Variants in GRM7 observed in about 807,000 individuals in gnomAD.
The protein encoded by GRM7 is metabotropic glutamate receptor 7.
In GRM7, 35 loss-of-function variants were observed where a neutral mutation model predicts 84.5. The observed-to-expected ratio is 0.41, with a 90% CI of 0.32 to 0.55. The LOEUF (loss-of-function observed/expected upper bound fraction) is 0.55. Among genes scored for constraint, GRM7 ranks in the 20% least tolerant of loss-of-function variants. The probability of loss-of-function intolerance (pLI) is 0.19; values close to 1 mark genes in which losing one functional copy is unlikely to be tolerated. For synonymous variants in GRM7, 487 were observed against 455.1 expected, an observed-to-expected ratio of 1.07 and a Z score of -0.89; for missense variants, 1,003 against 1,194.6, an observed-to-expected ratio of 0.84 and a Z score of 2.36.
intron 1 of GRM7, among the ~76,000 whole-genome samples, chr3:7,100,823 C>A (rs1162990565): frequency 6.6e-6 from 1 of 151,834 alleles, no homozygotes; most frequent in Non-Finnish European, 1.5e-5. Context: ...AAATCGTGTT[C>A]TGACACTGTG....
intron 1 of GRM7, among the ~76,000 whole-genome samples, chr3:6,989,413 A>T (rs371395257): frequency 6.6e-6 from 1 of 152,194 alleles, no homozygotes; most frequent in South Asian, 2.1e-4. Flanking sequence ...TTAAGATGAC[A>T]TAGTTAGGGG....
At chr3:6,970,973 C>A (rs370755342) in intron 1 of GRM7, among the ~76,000 whole-genome samples, 1 of 141,110 alleles carries the variant, frequency 7.1e-6, no homozygotes, top group Non-Finnish European at 1.5e-5. Flanking sequence ...CAGAGCGAGA[C>A]TCTGTCTCAA....
chr3:7,232,635 C>T (rs1268596148), intron 2 of GRM7, among the ~76,000 whole-genome samples: 1 of 152,176 alleles, frequency 6.6e-6, no homozygotes, highest in African/African-American at 2.4e-5. Flanking sequence ...TAATGAGAGG[C>T]TTTTTCACAT....
intron 4 of GRM7, among the ~76,000 whole-genome samples, chr3:7,351,896 A>G (rs1346507447): frequency 6.6e-6 from 1 of 151,850 alleles, no homozygotes; most frequent in South Asian, 2.1e-4. Flanking sequence ...AGCTATATTA[A>G]CAGCTTCTCT....
intron 1 of GRM7, among the ~76,000 whole-genome samples, chr3:6,964,275 A>G (rs1207097478): frequency 2.6e-5 from 4 of 152,076 alleles, no homozygotes; most frequent in Non-Finnish European, 4.4e-5. Flanking sequence ...TAGACTGCCA[A>G]TCTGGTTGGG....
chr3:7,738,061 C>T (rs1219058941), intron 9 of GRM7, among the ~76,000 whole-genome samples: 1 of 152,004 alleles, frequency 6.6e-6, no homozygotes, highest in African/African-American at 2.4e-5. Context: ...GTTGACCAGG[C>T]TGGTCTTAAA....
At chr3:7,114,330 T>C (rs1464711341) in intron 1 of GRM7, among the ~76,000 whole-genome samples, 1 of 152,168 alleles carries the variant, frequency 6.6e-6, no homozygotes, top group Non-Finnish European at 1.5e-5. Context: ...CATACCTTAC[T>C]TCAAAACCTA....
intron 1 of GRM7, among the ~76,000 whole-genome samples, chr3:6,880,188 C>A (rs1243365245): frequency 1.3e-5 from 2 of 152,168 alleles, no homozygotes; most frequent in Non-Finnish European, 2.9e-5. Flanking sequence ...ACAGAGTCTG[C>A]ACAGACTTCA....
At chr3:7,012,614 AC>A (rs1370683118) in intron 1 of GRM7, among the ~76,000 whole-genome samples, 9 of 152,096 alleles carry the variant, frequency 5.9e-5, no homozygotes, top group African/African-American at 2.2e-4. Context: ...TCCCTGGAGG[AC>A]CATAAGACTC....
At chr3:7,113,433 A>C (rs1397816995) in intron 1 of GRM7, among the ~76,000 whole-genome samples, 2 of 152,100 alleles carry the variant, frequency 1.3e-5, no homozygotes, top group African/African-American at 4.8e-5. Flanking sequence ...TATTTTATCT[A>C]GAAATAATAT....
chr3:6,945,383 G>C (rs1559343644), intron 1 of GRM7, among the ~76,000 whole-genome samples: 1 of 152,014 alleles, frequency 6.6e-6, no homozygotes, highest in Non-Finnish European at 1.5e-5. Flanking sequence ...CCCTACAAAG[G>C]ACACGAACTC....
chr3:7,723,371 C>A (rs1702019206), intron 9 of GRM7, among the ~76,000 whole-genome samples: 1 of 152,172 alleles, frequency 6.6e-6, no homozygotes. Context: ...CTCTGTAAGA[C>A]CCCTGCTAAA....
chr3:7,532,994 A>G (rs1168074168), intron 7 of GRM7, among the ~76,000 whole-genome samples: 1 of 152,132 alleles, frequency 6.6e-6, no homozygotes, highest in Non-Finnish European at 1.5e-5. Context: ...ACCCAGATTC[A>G]TAAAGCACGT....
At chr3:7,099,841 A>T (rs1157904893) in intron 1 of GRM7, among the ~76,000 whole-genome samples, 2 of 138,810 alleles carry the variant, frequency 1.4e-5, no homozygotes, top group Non-Finnish European at 3.1e-5. Flanking sequence ...GTATATGTAC[A>T]CGCATTATAC....
intron 1 of GRM7, among the ~76,000 whole-genome samples, chr3:7,097,694 A>G (rs1241281878): frequency 6.6e-6 from 1 of 152,100 alleles, no homozygotes; most frequent in Admixed American, 6.6e-5. Flanking sequence ...TTTGGTCTAT[A>G]TACTCTCGAC....
At chr3:7,035,387 G>C (rs1045899112) in intron 1 of GRM7, among the ~76,000 whole-genome samples, 2 of 152,074 alleles carry the variant, frequency 1.3e-5, no homozygotes, top group Non-Finnish European at 2.9e-5. Flanking sequence ...AGTAGGGAAA[G>C]TATAAAAGGC....
chr3:7,191,044 G>T (rs1443395737), intron 2 of GRM7, among the ~76,000 whole-genome samples: 1 of 151,796 alleles, frequency 6.6e-6, no homozygotes, highest in Non-Finnish European at 1.5e-5. Context: ...ATATAACAGG[G>T]GACAATAATA....
chr3:6,984,737 C>T (rs1694342608), intron 1 of GRM7, among the ~76,000 whole-genome samples: 1 of 152,026 alleles, frequency 6.6e-6, no homozygotes, highest in Admixed American at 6.6e-5. Context: ...CCTTCAGTTG[C>T]ACTGATACAT....
chr3:7,583,331 C>A (rs1356866753), intron 8 of GRM7, among the ~76,000 whole-genome samples: 2 of 152,152 alleles, frequency 1.3e-5, no homozygotes, highest in Non-Finnish European at 2.9e-5. Context: ...AGAATCTGAA[C>A]ACAAAGTAAA....
Sources: allele counts gnomAD v4.1 joint callset (sites outside exome capture counted in the v4.1 genomes callset), GRCh38; gene constraint gnomAD v4.1.1; transcripts MANE v1.5; gene names NCBI Gene and HGNC (gene_info 2026-07-23, HGNC 2026-07-21).